SORCS1: variants seen among roughly 807,000 people sequenced by gnomAD.
The protein encoded by SORCS1 is VPS10 domain-containing receptor SorCS1.
A neutral mutation model predicts 146.1 loss-of-function variants in SORCS1; 60 were observed. That is an observed-to-expected ratio of 0.41 (90% CI 0.33 to 0.51). SORCS1 has a LOEUF of 0.51. Ranked by LOEUF, SORCS1 falls within the 20% of genes least tolerant of loss-of-function variation. SORCS1 has a pLI of 0.21. For missense variants in SORCS1, 1,352 were observed against 1,487.6 expected (o/e 0.91, Z 1.50); for synonymous variants, 637 against 584.0 (o/e 1.09, Z -1.31).
intron 2 of SORCS1, among the ~76,000 whole-genome samples, chr10:106,902,287 C>G (rs1951739872): frequency 6.6e-6 from 1 of 152,014 alleles, no homozygotes; most frequent in African/African-American, 2.4e-5. Flanking sequence ...GTATCTTCCC[C>G]CCATGGATTT....
At chr10:106,861,033 A>G (rs569863151) in intron 2 of SORCS1, among the ~76,000 whole-genome samples, 48 of 152,250 alleles carry the variant, frequency 3.2e-4, no homozygotes, top group African/African-American at 1.1e-3. Flanking sequence ...AATTCTGCCA[A>G]TGTGTTTCAC....
chr10:106,599,857 C>T (rs1435903920), intron 23 of SORCS1, among the ~76,000 whole-genome samples: 7 of 151,864 alleles, frequency 4.6e-5, no homozygotes, highest in South Asian at 2.1e-4. Flanking sequence ...CTGCAACCTC[C>T]GCCTCCCTGA....
Position 106,620,492 on chromosome 10 carries a change from G to A in SORCS1, c.2732C>T (p.Ala911Val). 6.2e-7 allele frequency: 1 copy of A among 1,614,112 alleles called. No homozygotes were observed. The highest frequency in any genetic ancestry group is 8.5e-7 in the Non-Finnish European group (1 of 1,179,956). ...TTKNKEVNATAVLWPSQVGTL... is the reference protein window; with the variant it reads ...TTKNKEVNATVVLWPSQVGTL... ...GCCCACTTGGCTGGGCCACAGCACT[G>A]CCGTCGCATTGACCTCTTTGTTCTT... is the stretch of plus-strand genomic sequence containing the variant. Residue 911 changes from alanine (A) to valine (V), a missense_variant, in exon 20 of 26, where the codon GCA (alanine) becomes GTA (valine). Physicochemically the swap from Ala to Val is moderately conservative, Grantham distance 64. This residue lies in a region of SORCS1 where 648 missense variants were observed against 793.8 expected (regional missense o/e 0.82). Transcript: ENST00000263054.
intron 2 of SORCS1, among the ~76,000 whole-genome samples, chr10:106,896,993 C>A (rs1412623921): frequency 1.3e-5 from 2 of 149,890 alleles, no homozygotes; most frequent in Non-Finnish European, 3.0e-5. Flanking sequence ...CGGGTTCACG[C>A]CATTCTCCTG....
At chr10:106,739,311 C>A (rs1044296038) in intron 5 of SORCS1, among the ~76,000 whole-genome samples, 2 of 151,438 alleles carry the variant, frequency 1.3e-5, no homozygotes, top group African/African-American at 4.9e-5. Flanking sequence ...CATGGTGAAA[C>A]CTCATCTCAC....
intron 1 of SORCS1, among the ~76,000 whole-genome samples, chr10:107,001,859 T>C (rs1032944168): frequency 6.6e-6 from 1 of 152,242 alleles, no homozygotes; most frequent in Non-Finnish European, 1.5e-5. Context: ...CAGTTAAACC[T>C]GGCTCTAAAA....
At chr10:106,768,713 TGG>T (rs1336410487) in intron 4 of SORCS1, among the ~76,000 whole-genome samples, 1 of 152,236 alleles carries the variant, frequency 6.6e-6, no homozygotes, top group Non-Finnish European at 1.5e-5. Context: ...CTCTGCGTAC[TGG>T]AAAGGCACAG....
At chr10:106,719,665 C>T (rs1010233206) in intron 6 of SORCS1, among the ~76,000 whole-genome samples, 2 of 152,104 alleles carry the variant, frequency 1.3e-5, no homozygotes, top group African/African-American at 4.8e-5. Flanking sequence ...CCTGCCTCGG[C>T]CTTCCAAAGT....
intron 19 of SORCS1, among the ~76,000 whole-genome samples, chr10:106,622,725 T>C (rs1228788696): frequency 1.3e-5 from 2 of 152,224 alleles, no homozygotes; most frequent in Non-Finnish European, 2.9e-5. Flanking sequence ...TTTCTTATTT[T>C]ATCCTCACAA....
At position 106,785,045 on chromosome 10, in the gene SORCS1, T is replaced by C. The variant is rs184509107; in HGVS notation, c.727-8353A>G. On this transcript the variant is annotated intron_variant, in intron 3 of 25. Coordinates refer to ENST00000263054, the MANE Select transcript of SORCS1 (RefSeq NM_052918.5). ...TGCTGTATTTGTATCATCATCCTAA[T>C]GAAGGAGTTCAGGAAATGCCACCCC... Among the ~76,000 whole-genome samples, 646 of 152,290 alleles carry C rather than the reference T, an allele frequency of 4.2e-3. 4 individuals are homozygous for C. Among genetic ancestry groups the C allele is most frequent in the Non-Finnish European group, 7.9e-3 (535 of 68,010 alleles).
intron 1 of SORCS1, among the ~76,000 whole-genome samples, chr10:107,035,028 T>C (rs924927243): frequency 6.6e-6 from 1 of 152,058 alleles, no homozygotes; most frequent in African/African-American, 2.4e-5. Context: ...CTATTCTGTA[T>C]AATCAAGAAC....
intron 1 of SORCS1, among the ~76,000 whole-genome samples, chr10:107,021,616 A>C (rs984905720): frequency 6.6e-6 from 1 of 150,776 alleles, no homozygotes; most frequent in African/African-American, 2.4e-5. Flanking sequence ...TTTCTTTGTG[A>C]CCTTCTTGAT....
At position 107,164,552 on chromosome 10, in the gene SORCS1, A is replaced by T. The variant is rs1243547721; in HGVS notation, c.-26T>A. 3 of 1,329,328 alleles carry T rather than the reference A, an allele frequency of 2.3e-6. No homozygotes were observed. The highest frequency in any genetic ancestry group is 3.1e-5 in the African/African-American group (2 of 64,226). The allele number at this position is 1,329,328 out of a possible 1,614,324, so 82.3% of individuals were successfully genotyped here. ...CGCGGGAGCGAAGAGCAGCGGAGAG[A>T]GGGGTCCCAGAACGAAGGTGGCGGC... On this transcript the variant is annotated 5_prime_UTR_variant, in exon 1 of 26. Coordinates refer to ENST00000263054, the MANE Select transcript of SORCS1 (RefSeq NM_052918.5). This position sits in a 1 kb window ranked among gnomAD's most constrained non-coding sequence, Gnocchi z 6.8.
chr10:107,053,191 T>C (rs955947847), intron 1 of SORCS1, among the ~76,000 whole-genome samples: 59 of 152,172 alleles, frequency 3.9e-4, no homozygotes, highest in Non-Finnish European at 4.4e-5. Context: ...ATTTAAACTC[T>C]TTAATTGTGA....
chr10:106,917,703 T>C (rs940111740), intron 2 of SORCS1, among the ~76,000 whole-genome samples: 1 of 152,210 alleles, frequency 6.6e-6, no homozygotes, highest in Non-Finnish European at 1.5e-5. Flanking sequence ...GACACCCTGC[T>C]GAGAAGCAGT....
At chr10:106,680,649 C>A (rs1290667176) in intron 10 of SORCS1, among the ~76,000 whole-genome samples, 1 of 152,134 alleles carries the variant, frequency 6.6e-6, no homozygotes. Context: ...GATAATAAAT[C>A]TTATATGAAT....
chr10:107,117,753 T>C (rs949955678), intron 1 of SORCS1, among the ~76,000 whole-genome samples: 9 of 152,344 alleles, frequency 5.9e-5, no homozygotes, highest in African/African-American at 2.2e-4. Flanking sequence ...TGAAAATGTC[T>C]AGCCTATGCC....
chr10:106,663,224 G>A (rs1850871411), intron 17 of SORCS1, among the ~76,000 whole-genome samples: 1 of 151,836 alleles, frequency 6.6e-6, no homozygotes, highest in South Asian at 2.1e-4. Context: ...TATATACTCT[G>A]GCTTAGAAAG....
rs150591432 is a variant in SORCS1, at chr10:106,729,498, G to A, written c.1024+552C>T. Among the ~76,000 whole-genome samples, 100 of 151,714 alleles carry A rather than the reference G, an allele frequency of 6.6e-4. 1 individual carries two copies. In the East Asian group the frequency reaches 0.017, roughly 25 times the overall value. On this transcript the variant is annotated intron_variant, in intron 6 of 25. Transcript: ENST00000263054. ...TTTGTGAATCTCCAAACAAGACAGTGAGGCATGGCCTGGATGGTATCTGAC... is the reference window on the plus strand; with the variant it reads ...TTTGTGAATCTCCAAACAAGACAGTAAGGCATGGCCTGGATGGTATCTGAC...
Sources: allele counts gnomAD v4.1 joint callset (sites outside exome capture counted in the v4.1 genomes callset), GRCh38; gene constraint gnomAD v4.1.1; regional missense constraint gnomAD v4.1.1; non-coding constraint Gnocchi (gnomAD v3.1); transcripts MANE v1.5; gene names NCBI Gene and HGNC (gene_info 2026-07-23, HGNC 2026-07-21).